Variants in CACNA2D3 observed in about 807,000 individuals in gnomAD.
The protein encoded by CACNA2D3 is voltage-dependent calcium channel subunit alpha-2/delta-3.
CACNA2D3 carries 60 observed loss-of-function variants against 160.6 expected under a neutral mutation model. That is an observed-to-expected ratio of 0.37 (90% CI 0.30 to 0.46). CACNA2D3 has a LOEUF of 0.46. Ranked by LOEUF, CACNA2D3 falls within the 20% of genes least tolerant of loss-of-function variation. The probability of loss-of-function intolerance (pLI) is 1.00; values close to 1 mark genes in which losing one functional copy is unlikely to be tolerated. For missense variants in CACNA2D3, 1,205 were observed against 1,365.0 expected (o/e 0.88, Z 1.85); for synonymous variants, 558 against 492.9 (o/e 1.13, Z -1.75).
chr3:54,847,894 G>C (rs1222832966), intron 17 of CACNA2D3, among the ~76,000 whole-genome samples: 1 of 152,144 alleles, frequency 6.6e-6, no homozygotes, highest in East Asian at 1.9e-4. Context: ...GACTCCTAGT[G>C]TGTATTTATT....
At chr3:54,474,306 C>G (rs1022628191) in intron 4 of CACNA2D3, among the ~76,000 whole-genome samples, 21 of 152,074 alleles carry the variant, frequency 1.4e-4, no homozygotes, top group African/African-American at 4.8e-4. Context: ...GAACTGAAAA[C>G]CAAACACTGC....
intron 27 of CACNA2D3, among the ~76,000 whole-genome samples, chr3:54,958,405 G>T (rs1366508283): frequency 6.6e-6 from 1 of 152,000 alleles, no homozygotes; most frequent in Non-Finnish European, 1.5e-5. Context: ...TTTTTTTAAA[G>T]AGTATTTTTA....
chr3:55,070,841 T>G (rs1704788387), intron 35 of CACNA2D3, among the ~76,000 whole-genome samples: 1 of 152,244 alleles, frequency 6.6e-6, no homozygotes, highest in East Asian at 1.9e-4. Flanking sequence ...TGGTATTCAT[T>G]TCTAATTGGA....
At chr3:54,997,874 G>C (rs573968927) in intron 31 of CACNA2D3, among the ~76,000 whole-genome samples, 1 of 152,150 alleles carries the variant, frequency 6.6e-6, no homozygotes, top group Non-Finnish European at 1.5e-5. Flanking sequence ...CAGATTCTTC[G>C]ATGAGGCCTC....
intron 2 of CACNA2D3, among the ~76,000 whole-genome samples, chr3:54,158,664 G>C (rs1206853338): frequency 6.6e-6 from 1 of 152,134 alleles, no homozygotes; most frequent in South Asian, 2.1e-4. Flanking sequence ...CACAGTGCTT[G>C]TTTTTCTGTG....
intron 3 of CACNA2D3, among the ~76,000 whole-genome samples, chr3:54,342,979 C>T (rs1698388655): frequency 6.6e-6 from 1 of 152,206 alleles, no homozygotes. Flanking sequence ...GTGCCAAGAC[C>T]ACTCCTTCAC....
chr3:54,280,563 G>A (rs1195337192), intron 2 of CACNA2D3, among the ~76,000 whole-genome samples: 1 of 152,100 alleles, frequency 6.6e-6, no homozygotes, highest in Non-Finnish European at 1.5e-5. Flanking sequence ...GTAAAGGAGT[G>A]TAGTCAGGGC....
chr3:54,412,519 G>C (rs1342122957), intron 4 of CACNA2D3, among the ~76,000 whole-genome samples: 7 of 150,270 alleles, frequency 4.7e-5, no homozygotes, highest in Non-Finnish European at 1.0e-4. Context: ...ATATTAGTGT[G>C]AATATTCCTG....
intron 13 of CACNA2D3, among the ~76,000 whole-genome samples, chr3:54,786,540 T>A (rs1702645548): frequency 1.3e-5 from 2 of 152,206 alleles, no homozygotes; most frequent in African/African-American, 4.8e-5. Flanking sequence ...TTTGTAAGCA[T>A]CCCAGGACTG....
chr3:54,280,715 C>T (rs183403743), intron 2 of CACNA2D3, among the ~76,000 whole-genome samples: 240 of 152,256 alleles, frequency 1.6e-3, no homozygotes, highest in African/African-American at 5.1e-3. Flanking sequence ...CTCTTGTGCC[C>T]TTTGATCTCT....
At chr3:54,201,658 G>A (rs766658272) in intron 2 of CACNA2D3, among the ~76,000 whole-genome samples, 7 of 152,174 alleles carry the variant, frequency 4.6e-5, no homozygotes, top group Non-Finnish European at 7.3e-5. Flanking sequence ...GAAAATAAAT[G>A]TAAGGAATGA....
chr3:54,957,059 C>A (rs1053147835), intron 27 of CACNA2D3, among the ~76,000 whole-genome samples: 1 of 152,148 alleles, frequency 6.6e-6, no homozygotes, highest in African/African-American at 2.4e-5. Flanking sequence ...CTAGCAGACA[C>A]CTGGCACATA....
chr3:54,603,257 C>A (rs1188881583), intron 9 of CACNA2D3, among the ~76,000 whole-genome samples: 1 of 152,212 alleles, frequency 6.6e-6, no homozygotes, highest in African/African-American at 2.4e-5. Context: ...CGCTGCCCCC[C>A]ACCACCTCCT....
chr3:54,495,918 A>G (rs1701195643), intron 4 of CACNA2D3, among the ~76,000 whole-genome samples: 1 of 152,248 alleles, frequency 6.6e-6, no homozygotes, highest in African/African-American at 2.4e-5. Flanking sequence ...AATCATGCAT[A>G]TGTACTCTTT....
chr3:54,541,832 A>C (rs114663777), intron 5 of CACNA2D3, among the ~76,000 whole-genome samples: 4,103 of 152,180 alleles, frequency 0.027, 126 homozygotes, highest in African/African-American at 0.074. Context: ...AATTTAAATA[A>C]GATCTGTAGA....
intron 4 of CACNA2D3, among the ~76,000 whole-genome samples, chr3:54,502,009 G>A (rs1373812416): frequency 6.6e-6 from 1 of 152,118 alleles, no homozygotes; most frequent in Non-Finnish European, 1.5e-5. Flanking sequence ...CCTTATCCCT[G>A]TTCCCCTACA....
At chr3:54,321,587 C>T (rs1703996175) in intron 3 of CACNA2D3, among the ~76,000 whole-genome samples, 4 of 152,164 alleles carry the variant, frequency 2.6e-5, no homozygotes, top group Admixed American at 2.6e-4. Context: ...CCTTGTAACA[C>T]CTCCGTGGTG....
chr3:54,543,171 A>G (rs1702008178), intron 5 of CACNA2D3, among the ~76,000 whole-genome samples: 1 of 152,228 alleles, frequency 6.6e-6, no homozygotes, highest in East Asian at 1.9e-4. Context: ...CCTACTTGAA[A>G]TGGAATGCTA....
intron 5 of CACNA2D3, among the ~76,000 whole-genome samples, chr3:54,524,047 C>A (rs1283790129): frequency 6.6e-6 from 1 of 151,462 alleles, no homozygotes; most frequent in Non-Finnish European, 1.5e-5. Flanking sequence ...CTTGCTTTAG[C>A]TTTACTTTGT....
Sources: allele counts gnomAD v4.1 joint callset (sites outside exome capture counted in the v4.1 genomes callset), GRCh38; gene constraint gnomAD v4.1.1; transcripts MANE v1.5; gene names NCBI Gene and HGNC (gene_info 2026-07-23, HGNC 2026-07-21).